Variants in HHLA2 observed in about 807,000 individuals in gnomAD.
HHLA2 encodes the protein HERV-H LTR-associating protein 2.
HHLA2 carries 48 observed loss-of-function variants against 45.9 expected under a neutral mutation model. That is an observed-to-expected ratio of 1.05 (90% CI 0.83 to 1.33). HHLA2 has a LOEUF of 1.33. Ranked by LOEUF, HHLA2 falls within the 40% of genes most tolerant of loss-of-function variation. The pLI, the probability that HHLA2 is intolerant of heterozygous loss-of-function variation, is 0.00. For synonymous variants in HHLA2, 161 were observed against 173.9 expected (o/e 0.93, Z 0.59); for missense variants, 462 against 494.3 (o/e 0.93, Z 0.62).
intron 3 of HHLA2, among the ~76,000 whole-genome samples, chr3:108,338,504 T>A (rs1206768145): frequency 6.6e-6 from 1 of 152,198 alleles, no homozygotes; most frequent in Non-Finnish European, 1.5e-5. Flanking sequence ...CTGTTTACCA[T>A]CAAGCACTCA....
intron 3 of HHLA2, among the ~76,000 whole-genome samples, chr3:108,333,847 T>C (rs2081428187): frequency 6.6e-6 from 1 of 152,146 alleles, no homozygotes. Flanking sequence ...GACATTGAAT[T>C]CCTTCCCCTT....
At chr3:108,328,538 T>A (rs1402547145) in intron 3 of HHLA2, among the ~76,000 whole-genome samples, 1 of 152,162 alleles carries the variant, frequency 6.6e-6, no homozygotes, top group Non-Finnish European at 1.5e-5. Flanking sequence ...AGGAGTTAGG[T>A]AACTTGGACA....
At chr3:108,325,400 T>TG (rs1420156971) in intron 2 of HHLA2, 1 of 344,552 alleles carries the variant, frequency 2.9e-6, no homozygotes, top group African/African-American at 2.2e-5. Context: ...AGGTAGGCCT[T>TG]GCCACCACTG....
chr3:108,367,037 C>T (rs919731160), intron 8 of HHLA2, among the ~76,000 whole-genome samples: 5 of 152,202 alleles, frequency 3.3e-5, no homozygotes, highest in African/African-American at 4.8e-5. Flanking sequence ...TGTTCCGCAG[C>T]ATCCACTGGT....
At chr3:108,349,234 G>C (rs566961233) in intron 3 of HHLA2, among the ~76,000 whole-genome samples, 137 of 150,520 alleles carry the variant, frequency 9.1e-4, no homozygotes, top group African/African-American at 3.2e-3. Flanking sequence ...CAACAAAATA[G>C]ATAGACCACT....
intron 3 of HHLA2, among the ~76,000 whole-genome samples, chr3:108,337,751 G>A (rs917148974): frequency 5.9e-5 from 9 of 152,014 alleles, no homozygotes; most frequent in Non-Finnish European, 8.8e-5. Context: ...AAGTGTCCAG[G>A]GTTCCTGTGT....
intron 2 of HHLA2, among the ~76,000 whole-genome samples, chr3:108,316,643 A>G (rs889855158): frequency 2.6e-5 from 4 of 152,212 alleles, no homozygotes; most frequent in African/African-American, 9.7e-5. Context: ...AGCTAGGTCA[A>G]CCACATCCCA....
Position 108,353,510 on chromosome 3 carries a change from CCTT to C in HHLA2, c.153_155del (p.Ser52del), listed in dbSNP as rs557647742. Reference sequence around the variant, plus strand: ...AAGACTTGATGAAGATATAATTCTCCCTTCTTCATTTGAGAGGGGATCCGAAGT... The same window carrying C: ...AAGACTTGATGAAGATATAATTCTCCCTTCATTTGAGAGGGGATCCGAAGT... On this transcript the variant is annotated inframe_deletion, in exon 5 of 11. Transcript: ENST00000619531. 4.2e-5 allele frequency: 68 copies of C among 1,611,144 alleles called. No homozygotes were observed. The African/African-American group carries it at 8.4e-4, about 20-fold the overall frequency.
intron 2 of HHLA2, among the ~76,000 whole-genome samples, chr3:108,324,695 G>C (rs919064394): frequency 6.6e-6 from 1 of 152,170 alleles, no homozygotes; most frequent in African/African-American, 2.4e-5. Context: ...AGTTTTGCCT[G>C]TTTTCAGAAT....
At chr3:108,360,298 T>C (rs542938418) in intron 7 of HHLA2, among the ~76,000 whole-genome samples, 2 of 152,272 alleles carry the variant, frequency 1.3e-5, no homozygotes, top group African/African-American at 4.8e-5. Flanking sequence ...GCCATAACTG[T>C]TGTAGTTTGA....
At chr3:108,370,405 TA>T (rs1477272268) in intron 8 of HHLA2, among the ~76,000 whole-genome samples, 1 of 152,032 alleles carries the variant, frequency 6.6e-6, no homozygotes, top group African/African-American at 2.4e-5. Flanking sequence ...CTGGAAACTC[TA>T]AAAATCAGAG....
intron 3 of HHLA2, 123 bp from the exon 3 acceptor site, chr3:108,351,665 C>T: frequency 1.7e-6 from 1 of 578,306 alleles, no homozygotes; most frequent in Non-Finnish European, 3.0e-6. Flanking sequence ...TGCCATTGAA[C>T]CATCCTTTAC....
At chr3:108,368,535 CA>C (rs55718572) in intron 8 of HHLA2, among the ~76,000 whole-genome samples, 22 of 6,612 alleles carry the variant, frequency 3.3e-3, no homozygotes, top group African/African-American at 3.9e-3. Context: ...AAACGAAGAG[CA>C]AAAAAAAAAA....
exon 8 of HHLA2, chr3:108,362,400 G>A (rs16854512): frequency 0.19 from 307,334 of 1,611,058 alleles, 30,578 homozygotes; most frequent in Middle Eastern, 0.23. Context: ...TGCCCTCTGC[G>A]ATTTTGGCAG....
Position 108,358,169 on chromosome 3 carries a change from G to A in HHLA2, c.1003+8G>A. On this transcript the variant is annotated splice_region_variant and intron_variant, in intron 7 of 10. Transcript: ENST00000619531. ...TCCACACAGTGCATGTAGGTAAGTT[G>A]CAAGTAGGTTTGGATAATGGGTTTT... The A allele has an allele frequency of 2.5e-6, 4 of 1,587,138 alleles. No homozygotes were observed. The highest frequency in any genetic ancestry group is 3.4e-6 in the Non-Finnish European group (4 of 1,163,462).
intron 8 of HHLA2, among the ~76,000 whole-genome samples, chr3:108,375,230 C>CA (rs918618254): frequency 4.0e-5 from 6 of 149,006 alleles, no homozygotes; most frequent in African/African-American, 9.9e-5. Context: ...ATCGCAAGGA[C>CA]AAAAAACCAA....
intron 2 of HHLA2, among the ~76,000 whole-genome samples, chr3:108,322,208 T>C (rs572795011): frequency 6.8e-4 from 104 of 152,234 alleles, no homozygotes; most frequent in Non-Finnish European, 1.3e-3. Flanking sequence ...GGGCCATGCC[T>C]CTCAGGCGGA....
intron 8 of HHLA2, among the ~76,000 whole-genome samples, chr3:108,373,361 A>G (rs1017711571): frequency 2.0e-5 from 3 of 152,204 alleles, no homozygotes; most frequent in African/African-American, 7.2e-5. Flanking sequence ...TGACAAACCC[A>G]CAGCCAATAT....
At position 108,320,855 on chromosome 3, in the gene HHLA2, G is replaced by C. The variant is rs72937757; in HGVS notation, c.-104-7415G>C. 6.2e-3 allele frequency among the ~76,000 whole-genome samples: 950 copies of C among 152,102 alleles called. 10 individuals are homozygous for C. The highest frequency in any genetic ancestry group is 0.022 in the African/African-American group (893 of 41,488). ...TTTGCAAGGACTGTAATGCAAAGCA[G>C]GTACTAACCACGTGATCAGTGGGAG... On this transcript the variant is annotated intron_variant, in intron 2 of 10. Coordinates refer to ENST00000619531, the Ensembl canonical transcript of HHLA2.
Sources: allele counts gnomAD v4.1 joint callset (sites outside exome capture counted in the v4.1 genomes callset), GRCh38; gene constraint gnomAD v4.1.1; transcripts MANE v1.5; gene names NCBI Gene and HGNC (gene_info 2026-07-23, HGNC 2026-07-21).